The following MAF variants were observed in gnomAD, a reference collection of about 807,000 sequenced individuals.
MAF encodes MAF bZIP transcription factor, also known as transcription factor Maf.
MAF carries 10 observed loss-of-function variants against 22.0 expected under a neutral mutation model. The observed-to-expected ratio is 0.45, with a 90% CI of 0.28 to 0.77. MAF has a LOEUF of 0.77. MAF is among the 30% of genes least tolerant of loss of function. The probability of loss-of-function intolerance (pLI) is 0.12; values close to 1 mark genes in which losing one functional copy is unlikely to be tolerated. For synonymous variants in MAF, 337 were observed against 255.8 expected (o/e 1.32, Z -3.03); for missense variants, 544 against 548.4 (o/e 0.99, Z 0.08).
the MAF span, among the ~76,000 whole-genome samples, chr16:79,210,524 G>A: frequency 1.3e-5 from 2 of 152,074 alleles, no homozygotes; most frequent in Admixed American, 6.6e-5. Flanking sequence ...TTGTGGGGGC[G>A]AGCTTATCTT....
chr16:79,257,612 C>CTTAATGTCTCTGTGCCTTG, the MAF span, among the ~76,000 whole-genome samples: 1 of 152,192 alleles, frequency 6.6e-6, no homozygotes, highest in African/African-American at 2.4e-5. Flanking sequence ...AGCCGAGCTA[C>CTTAATGTCTCTGTGCCTTG]TTAATGTCTC....
chr16:79,211,754 C>T, the MAF span: 1,010 of 1,614,178 alleles, frequency 6.3e-4, 2 homozygotes, highest in Non-Finnish European at 7.8e-4. Context: ...GGGCGCTCAG[C>T]GAGAGGCTGA....
At chr16:79,582,938 G>A (rs1302908359), downstream of MAF, among the ~76,000 whole-genome samples, 1 of 152,152 alleles carries the variant, frequency 6.6e-6, no homozygotes, top group Non-Finnish European at 1.5e-5. Flanking sequence ...TCAAATAGAG[G>A]CACCAAGAAA....
chr16:79,488,960 C>T, the MAF span, among the ~76,000 whole-genome samples: 1 of 152,184 alleles, frequency 6.6e-6, no homozygotes, highest in Non-Finnish European at 1.5e-5. Flanking sequence ...GCCCTGTTGG[C>T]CTTTCAGGGC....
chr16:79,578,553 GA>G, the MAF span, among the ~76,000 whole-genome samples: 2 of 151,706 alleles, frequency 1.3e-5, no homozygotes, highest in East Asian at 3.9e-4. Flanking sequence ...ATTTAAATTT[GA>G]AAAAAACAGA....
the MAF span, among the ~76,000 whole-genome samples, chr16:79,557,632 G>A: frequency 2.0e-5 from 3 of 152,158 alleles, no homozygotes; most frequent in South Asian, 2.1e-4. Context: ...AACCCTCAGA[G>A]TGTTGCAAAG....
the MAF span, among the ~76,000 whole-genome samples, chr16:79,552,503 C>T: frequency 6.6e-6 from 1 of 152,316 alleles, no homozygotes; most frequent in Non-Finnish European, 1.5e-5. Flanking sequence ...GCCACCTGTT[C>T]TCCCTTCTTA....
the MAF span, among the ~76,000 whole-genome samples, chr16:79,453,620 A>AATCAATC: frequency 6.6e-6 from 1 of 152,238 alleles, no homozygotes; most frequent in African/African-American, 2.4e-5. Flanking sequence ...GGGGACAGGA[A>AATCAATC]AATAATCAAT....
chr16:79,384,866 C>T, the MAF span, among the ~76,000 whole-genome samples: 3 of 152,274 alleles, frequency 2.0e-5, no homozygotes, highest in South Asian at 2.1e-4. Context: ...ACCAGTTGTT[C>T]GTCAATGACA....
At chr16:79,354,506 G>A in the MAF span, among the ~76,000 whole-genome samples, 4 of 152,198 alleles carry the variant, frequency 2.6e-5, no homozygotes, top group African/African-American at 9.7e-5. Flanking sequence ...CAGTAGAGGG[G>A]AGAATGGGTG....
the MAF span, among the ~76,000 whole-genome samples, chr16:79,294,198 A>G: frequency 6.6e-6 from 1 of 152,202 alleles, no homozygotes; most frequent in African/African-American, 2.4e-5. Context: ...TTTGAATATC[A>G]AGAGCTCCTG....
chr16:79,285,578 A>C, the MAF span, among the ~76,000 whole-genome samples: 34,147 of 151,976 alleles, frequency 0.22, 4,603 homozygotes, highest in East Asian at 0.69. Context: ...AATTTCTGGG[A>C]GTGGGACTCT....
the MAF span, among the ~76,000 whole-genome samples, chr16:79,544,407 G>C: frequency 6.6e-6 from 1 of 152,144 alleles, no homozygotes; most frequent in Non-Finnish European, 1.5e-5. Context: ...CTGATGTAGA[G>C]ATGGAGGTAT....
chr16:79,449,606 G>A, the MAF span, among the ~76,000 whole-genome samples: 3 of 152,146 alleles, frequency 2.0e-5, no homozygotes, highest in African/African-American at 7.2e-5. Flanking sequence ...TACAACGCCG[G>A]CCTACAGCAG....
At chr16:79,209,952 C>G in the MAF span, among the ~76,000 whole-genome samples, 3 of 152,198 alleles carry the variant, frequency 2.0e-5, no homozygotes, top group Admixed American at 1.3e-4. Context: ...ACAGCTGAAT[C>G]CAGGATAATA....
chr16:79,209,495 A>G, the MAF span, among the ~76,000 whole-genome samples: 2 of 152,220 alleles, frequency 1.3e-5, no homozygotes, highest in South Asian at 2.1e-4. Context: ...GCTGAATAGT[A>G]TAACCATTGT....
chr16:79,311,220 T>C, the MAF span, among the ~76,000 whole-genome samples: 2 of 151,990 alleles, frequency 1.3e-5, no homozygotes, highest in Non-Finnish European at 2.9e-5. Flanking sequence ...TACGCCTTTG[T>C]CCAAAAAGCT....
the MAF span, among the ~76,000 whole-genome samples, chr16:79,515,682 G>C: frequency 6.6e-6 from 1 of 152,182 alleles, no homozygotes; most frequent in East Asian, 1.9e-4. Context: ...CCAGATAAGA[G>C]GCTGGGCCGT....
the MAF span, among the ~76,000 whole-genome samples, chr16:79,345,726 CAAAAAAAA>C: frequency 1.3e-4 from 9 of 68,338 alleles, no homozygotes; most frequent in African/African-American, 5.4e-4. Flanking sequence ...GACTCCGTCT[CAAAAAAAA>C]AAAAAAAAAA....
Sources: gnomAD v4.1 joint callset for allele counts (sites outside exome capture counted in the v4.1 genomes callset) on GRCh38, gnomAD v4.1.1 for gene constraint, MANE v1.5 for transcripts, NCBI Gene and HGNC (gene_info 2026-07-23, HGNC 2026-07-21) for gene names.